LARP1B: variants seen among roughly 807,000 people sequenced by gnomAD.
The protein encoded by LARP1B is La ribonucleoprotein 1B.
In LARP1B, 76 loss-of-function variants were observed where a neutral mutation model predicts 114.2. The ratio of observed to expected loss-of-function variants is 0.67; its 90% CI spans 0.55 to 0.81. LARP1B has a LOEUF of 0.81. Among genes scored for constraint, LARP1B ranks in the 30% least tolerant of loss-of-function variants. LARP1B has a pLI of 0.00. For missense variants in LARP1B, 1,014 were observed against 1,075.8 expected (o/e 0.94, Z 0.80); for synonymous variants, 345 against 348.0 (o/e 0.99, Z 0.10).
chr4:128,111,021 G>A (rs974455554), intron 9 of LARP1B, among the ~76,000 whole-genome samples: 1 of 151,604 alleles, frequency 6.6e-6, no homozygotes, highest in Non-Finnish European at 1.5e-5. Context: ...GGCCAGACTG[G>A]GTGACATACC....
chr4:128,126,828 A>G (rs988484441), intron 11 of LARP1B, among the ~76,000 whole-genome samples: 3 of 151,532 alleles, frequency 2.0e-5, no homozygotes, highest in African/African-American at 7.3e-5. Context: ...TTTTTAAAAA[A>G]AGGTAAGCAA....
At chr4:128,099,261 TC>T (rs1779402409) in intron 8 of LARP1B, among the ~76,000 whole-genome samples, 1 of 151,424 alleles carries the variant, frequency 6.6e-6, no homozygotes, top group Non-Finnish European at 1.5e-5. Context: ...GTAACCACAA[TC>T]ACTAATCTGC....
chr4:128,116,353 C>T (rs1473614291), intron 10 of LARP1B, among the ~76,000 whole-genome samples: 1 of 152,042 alleles, frequency 6.6e-6, no homozygotes, highest in Non-Finnish European at 1.5e-5. Flanking sequence ...TTGGGGGAAA[C>T]CAGGATATAT....
intron 11 of LARP1B, among the ~76,000 whole-genome samples, chr4:128,141,898 C>T (rs1205786733): frequency 6.6e-6 from 1 of 152,200 alleles, no homozygotes; most frequent in Non-Finnish European, 1.5e-5. Flanking sequence ...TCTTATGCAG[C>T]ATTCCCCCTT....
At chr4:128,094,104 T>G (rs1444686991) in intron 7 of LARP1B, among the ~76,000 whole-genome samples, 1 of 152,022 alleles carries the variant, frequency 6.6e-6, no homozygotes, top group East Asian at 1.9e-4. Context: ...TTTTTGTATT[T>G]TTATTAGAGA....
chr4:128,110,415 T>TAA (rs200737994), intron 9 of LARP1B, among the ~76,000 whole-genome samples: 3 of 147,074 alleles, frequency 2.0e-5, no homozygotes, highest in African/African-American at 7.5e-5. Flanking sequence ...TTTTCATTAT[T>TAA]AAAAAAAAAA....
intron 9 of LARP1B, among the ~76,000 whole-genome samples, chr4:128,109,863 G>A (rs1008478873): frequency 6.6e-6 from 1 of 152,010 alleles, no homozygotes; most frequent in African/African-American, 2.4e-5. Flanking sequence ...TACCAGAGAT[G>A]AAATGTATAT....
At chr4:128,120,364 G>T (rs962573041) in intron 10 of LARP1B, among the ~76,000 whole-genome samples, 4 of 151,976 alleles carry the variant, frequency 2.6e-5, no homozygotes, top group African/African-American at 4.8e-5. Context: ...ACTTCCTTCT[G>T]TTGGGAGTTT....
At chr4:128,194,345 T>A (rs1342933449) in intron 15 of LARP1B, among the ~76,000 whole-genome samples, 1 of 152,086 alleles carries the variant, frequency 6.6e-6, no homozygotes, top group Non-Finnish European at 1.5e-5. Flanking sequence ...ATGCTGGGAT[T>A]ACAAGTGTGA....
chr4:128,093,602 GA>G (rs1236646192), intron 7 of LARP1B, among the ~76,000 whole-genome samples: 6 of 146,106 alleles, frequency 4.1e-5, no homozygotes, highest in African/African-American at 1.5e-4. Context: ...TCTCAAAAAA[GA>G]AAGAAAAAAA....
chr4:128,214,045 C>T (rs1171530192), downstream of LARP1B, among the ~76,000 whole-genome samples: 12 of 149,916 alleles, frequency 8.0e-5, no homozygotes, highest in Admixed American at 2.0e-4. Flanking sequence ...GGGTGACGGA[C>T]GCACCTGGAA....
chr4:128,217,075 C>A (rs1759559950), intron 6 of LARP1B, among the ~76,000 whole-genome samples: 2 of 150,136 alleles, frequency 1.3e-5, no homozygotes, highest in African/African-American at 4.9e-5. Flanking sequence ...CACATACACT[C>A]TCCCAAGACT....
intron 10 of LARP1B, among the ~76,000 whole-genome samples, chr4:128,117,870 A>C (rs1424917869): frequency 6.6e-6 from 1 of 151,560 alleles, no homozygotes; most frequent in Non-Finnish European, 1.5e-5. Context: ...TTGAAATTTC[A>C]AGATGATGTG....
chr4:128,160,274 C>T (rs4618332), intron 11 of LARP1B, among the ~76,000 whole-genome samples: 62,070 of 152,068 alleles, frequency 0.41, 13,785 homozygotes, highest in African/African-American at 0.58. Flanking sequence ...GGATCAGTCT[C>T]ATAAACATAA....
Position 128,075,011 on chromosome 4 carries a change from G to GTTT in LARP1B, c.42+27_42+29dup. The stretch of plus-strand genomic sequence containing the variant: ...ACACTGGAGTGAGTATTGTTTTAAA[G>GTTT]TTTTTTTTTTTAAAGAAAGGAAAAT... On this transcript the variant is annotated intron_variant, in intron 3 of 19. Coordinates refer to ENST00000326639, the MANE Select transcript of LARP1B (RefSeq NM_018078.4). The GTTT allele has an allele frequency of 2.2e-5, 29 of 1,291,096 alleles. No homozygotes were observed. The highest frequency in any genetic ancestry group is 4.4e-5 in the South Asian group (3 of 68,818). The allele number at this position is 1,291,096 out of a possible 1,614,324, so 80.0% of individuals were successfully genotyped here. A position where few individuals can be genotyped will look rare whatever the true frequency, so the allele number is the denominator to read the frequency against.
At chr4:128,136,402 TAG>T (rs950219049) in intron 11 of LARP1B, among the ~76,000 whole-genome samples, 1 of 151,950 alleles carries the variant, frequency 6.6e-6, no homozygotes, top group Non-Finnish European at 1.5e-5. Context: ...AAAGTTGACT[TAG>T]AGATAAAAAG....
At chr4:128,118,472 G>A (rs903506321) in intron 10 of LARP1B, among the ~76,000 whole-genome samples, 42 of 151,402 alleles carry the variant, frequency 2.8e-4, no homozygotes, top group African/African-American at 9.5e-4. Flanking sequence ...TCCTTACCTC[G>A]TGATCCGCCC....
At chr4:128,066,820 A>G (rs1402123415) in intron 1 of LARP1B, among the ~76,000 whole-genome samples, 4 of 136,056 alleles carry the variant, frequency 2.9e-5, no homozygotes, top group Non-Finnish European at 6.2e-5. Flanking sequence ...TTTTTGAGAC[A>G]GAGTCTTGCT....
chr4:128,206,344 A>C lies in LARP1B; in HGVS notation c.2310-84A>C, dbSNP rs1355028499. On this transcript the variant is annotated intron_variant, in intron 17 of 19. Transcript: ENST00000326639. The stretch of plus-strand genomic sequence containing the variant: ...AAAATTTTATTTTTTGTTTAGGATT[A>C]GTTGTGCCATGTTTGCTTATATTGA... 17 of 706,634 alleles carry C rather than the reference A, an allele frequency of 2.4e-5. No individual in the cohort carries two copies. In the South Asian group the frequency reaches 4.4e-4, roughly 18 times the overall value. The allele number at this position is 706,634 out of a possible 1,614,324, so 43.8% of individuals were successfully genotyped here. A position where few individuals can be genotyped will look rare whatever the true frequency, so the allele number is the denominator to read the frequency against.
Sources: allele counts gnomAD v4.1 joint callset (sites outside exome capture counted in the v4.1 genomes callset), GRCh38; gene constraint gnomAD v4.1.1; transcripts MANE v1.5; gene names NCBI Gene and HGNC (gene_info 2026-07-23, HGNC 2026-07-21).